Variants in BCL11A observed in about 807,000 individuals in gnomAD.
BCL11A encodes B cell CLL/lymphoma 11A.
A neutral mutation model predicts 55.9 loss-of-function variants in BCL11A; 2 were observed. The observed-to-expected ratio is 0.04, with a 90% CI of 0.01 to 0.11. The LOEUF (loss-of-function observed/expected upper bound fraction) is 0.11. Among genes scored for constraint, BCL11A ranks in the 10% least tolerant of loss-of-function variants. BCL11A has a pLI of 1.00. For missense variants in BCL11A, 817 were observed against 1,137.1 expected (o/e 0.72, Z 4.05); for synonymous variants, 465 against 473.4 (o/e 0.98, Z 0.23).
rs1319693762 is a variant in BCL11A at position 60,458,867 on chromosome 2, T to TA, written c.*1536dup. 1.9e-6 allele frequency: 2 copies of TA among 1,025,720 alleles called. No homozygotes were observed. Among genetic ancestry groups the TA allele is most frequent in the East Asian group, 1.2e-4 (2 of 16,492 alleles). The allele number at this position is 1,025,720 out of a possible 1,614,324, so 63.5% of individuals were successfully genotyped here. A position where few individuals can be genotyped will look rare whatever the true frequency, so the allele number is the denominator to read the frequency against. On this transcript the variant is annotated 3_prime_UTR_variant, in exon 4 of 4. Coordinates refer to ENST00000642384, the MANE Select transcript of BCL11A (RefSeq NM_022893.4). ...GCTAGCTTAATAAAAAAGAAAAAATTAAAAAAATAAAAATAAAAACAATGA... is the reference window on the plus strand; with the variant it reads ...GCTAGCTTAATAAAAAAGAAAAAATTAAAAAAAATAAAAATAAAAACAATGA...
In BCL11A at chr2:60,458,281, T is replaced by C. The variant is rs1052628140; in HGVS notation, c.*2123A>G. Reference sequence around the variant, plus strand: ...AACCTTTCCCCAATGTATGTTTTTTTTTTTTACAACCTGAAGAGCGGTGTG... The same window carrying C: ...AACCTTTCCCCAATGTATGTTTTTTCTTTTTACAACCTGAAGAGCGGTGTG... On this transcript the variant is annotated 3_prime_UTR_variant, in exon 4 of 4. Transcript: ENST00000642384. 6.8e-6 allele frequency: 7 copies of C among 1,027,060 alleles called. No homozygotes were observed. The Admixed American group carries it at 4.0e-4, about 59-fold the overall frequency. The allele number at this position is 1,027,060 out of a possible 1,614,324, so 63.6% of individuals were successfully genotyped here. A position where few individuals can be genotyped will look rare whatever the true frequency, so the allele number is the denominator to read the frequency against.
At chr2:60,482,469 T>C (rs1678018738) in intron 2 of BCL11A, among the ~76,000 whole-genome samples, 1 of 152,202 alleles carries the variant, frequency 6.6e-6, no homozygotes, top group Non-Finnish European at 1.5e-5. Context: ...GAAAGGGGCA[T>C]GTGACAACTT....
intron 2 of BCL11A, among the ~76,000 whole-genome samples, chr2:60,507,771 G>A (rs968476089): frequency 9.9e-5 from 15 of 152,134 alleles, no homozygotes; most frequent in African/African-American, 3.1e-4. Context: ...GGTGGGGGGC[G>A]ACGGGTGCGG....
At chr2:60,503,041 T>C (rs2104419101) in intron 2 of BCL11A, among the ~76,000 whole-genome samples, 1 of 152,330 alleles carries the variant, frequency 6.6e-6, no homozygotes, top group East Asian at 1.9e-4. Context: ...AAAACCAACG[T>C]GTCTGTCATC....
In BCL11A at chr2:60,460,903, T is replaced by C. The variant is rs115666026; in HGVS notation, c.2009A>G (p.Lys670Arg). 2 of 1,613,068 alleles carry C rather than the reference T, an allele frequency of 1.2e-6. No individual in the cohort carries two copies. The highest frequency in any genetic ancestry group is 2.7e-5 in the African/African-American group (2 of 75,082). ...GTCTCCGAAGCTAAGGAAGGGATCT[T>C]TGAGCTGCCTGGAGGCCGCGTAGCC... ...LAGYAASRQL[K>R]DPFLSFGDSR... Residue 670 changes from lysine to arginine, a missense_variant, in exon 4 of 4, where the codon AAA becomes AGA. By Grantham distance (26) the Lys-to-Arg change is conservative. Transcript: ENST00000642384.
At chr2:60,480,402 T>C (rs1677883479) in intron 2 of BCL11A, among the ~76,000 whole-genome samples, 1 of 152,146 alleles carries the variant, frequency 6.6e-6, no homozygotes, top group African/African-American at 2.4e-5. Context: ...AGCCCCTCAA[T>C]AAATAATTAG....
chr2:60,468,011 G>A (rs1487260111), intron 3 of BCL11A, among the ~76,000 whole-genome samples: 3 of 102,050 alleles, frequency 2.9e-5, no homozygotes, highest in African/African-American at 8.1e-5. Flanking sequence ...GGTGGTGATG[G>A]TGGTGGTGGT....
chr2:60,452,455 C>T (rs1353217503), downstream of BCL11A: 4 of 827,194 alleles, frequency 4.8e-6, no homozygotes, highest in Non-Finnish European at 8.2e-6. Context: ...ACTCTGTCTT[C>T]GCACAACGGC....
At chr2:60,477,958 CTT>C (rs79276518) in intron 2 of BCL11A, among the ~76,000 whole-genome samples, 64 of 138,348 alleles carry the variant, frequency 4.6e-4, no homozygotes, top group Admixed American at 8.0e-4. Flanking sequence ...TTATGGAAAG[CTT>C]TTTTTTTTTT....
chr2:60,497,305 C>T (rs758318833), intron 2 of BCL11A, among the ~76,000 whole-genome samples: 53 of 152,298 alleles, frequency 3.5e-4, no homozygotes, highest in Non-Finnish European at 6.8e-4. Flanking sequence ...TTTTGTAAAA[C>T]GAAGCATCGC....
intron 2 of BCL11A, chr2:60,536,888 G>A (rs927744648): frequency 6.6e-6 from 1 of 152,236 alleles, no homozygotes; most frequent in African/African-American, 2.4e-5. Flanking sequence ...ACAAAAGACA[G>A]GTCCAACAAC....
chr2:60,458,033 C>CTTT lies in BCL11A; in HGVS notation c.*2368_*2370dup. 1.0e-6 allele frequency: 1 copy of CTTT among 967,442 alleles called. No individual in the cohort carries two copies. Among genetic ancestry groups the CTTT allele is most frequent in the Non-Finnish European group, 1.2e-6 (1 of 805,630 alleles). 59.9% of individuals were successfully genotyped at this position (967,442 alleles called of 1,614,324 possible). On this transcript the variant is annotated 3_prime_UTR_variant, in exon 4 of 4. Transcript: ENST00000642384. ...AAAAAAATATACTGTGGCAGCCTGT[C>CTTT]TTTTTTTTTTCCACTACCAAAAAAG...
rs570603037 is a variant in BCL11A, at chr2:60,482,008, G to A, written c.386-13175C>T. ...GTCAAAAGAAAGGGGTTGGACTGAT[G>A]TTTCCCAGTGGAGGGCTTGTTTGTC... On this transcript the variant is annotated intron_variant, in intron 2 of 3. Transcript: ENST00000642384. Among the ~76,000 whole-genome samples the A allele has an allele frequency of 5.0e-4, 76 of 152,302 alleles. No individual in the cohort carries two copies. In the South Asian group the frequency reaches 8.1e-3, roughly 16 times the overall value.
chr2:60,462,883 C>T (rs1676394957), intron 3 of BCL11A, among the ~76,000 whole-genome samples: 2 of 152,206 alleles, frequency 1.3e-5, no homozygotes, highest in Admixed American at 6.5e-5. Flanking sequence ...CTATTCCCCC[C>T]TGGGTGACAG....
chr2:60,478,980 T>C (rs1463762447), intron 2 of BCL11A, among the ~76,000 whole-genome samples: 5 of 149,198 alleles, frequency 3.4e-5, no homozygotes, highest in East Asian at 1.9e-4. Context: ...TTTTTTTTTT[T>C]CCCTCCTCCC....
chr2:60,553,147 C>T (rs573580609), intron 1 of BCL11A, 69 bp downstream of exon 1: 96 of 1,505,570 alleles, frequency 6.4e-5, no homozygotes, highest in Non-Finnish European at 8.3e-5. Flanking sequence ...CTCCCCCTCG[C>T]TTTTGCTTCT....
In BCL11A at chr2:60,548,305, A is replaced by AT. The variant is rs397984727; in HGVS notation, c.56-2006dup. ...ACATAGAACCTTTGCAAAAAAAAAA[A>AT]TTTTTTATTTCCACCGTTAAGATTC... On this transcript the variant is annotated intron_variant, in intron 1 of 3. Transcript: ENST00000642384. Among the ~76,000 whole-genome samples, 1,468 of 150,320 alleles carry AT rather than the reference A, an allele frequency of 9.8e-3. 8 individuals are homozygous for AT. The highest frequency in any genetic ancestry group is 0.016 in the Non-Finnish European group (1,049 of 67,572).
In BCL11A at chr2:60,457,905, C is replaced by G. The variant is rs1218364505; in HGVS notation, c.*2499G>C. 9.5e-7 allele frequency: 1 copy of G among 1,047,998 alleles called. No homozygotes were observed. Among genetic ancestry groups the G allele is most frequent in the Admixed American group, 5.5e-5 (1 of 18,024 alleles). 64.9% of individuals were successfully genotyped at this position (1,047,998 alleles called of 1,614,324 possible). A position where few individuals can be genotyped will look rare whatever the true frequency, so the allele number is the denominator to read the frequency against. ...CATTCTAGCAGGCTCCCCCAAACCG[C>G]CATTATATGGCTTCTCATCTGTAAT... On this transcript the variant is annotated 3_prime_UTR_variant, in exon 4 of 4. Coordinates refer to ENST00000642384, the MANE Select transcript of BCL11A (RefSeq NM_022893.4).
intron 2 of BCL11A, chr2:60,522,625 C>A (rs1300813846): frequency 6.6e-6 from 1 of 152,268 alleles, no homozygotes; most frequent in Non-Finnish European, 1.5e-5. Flanking sequence ...TGAATGCACC[C>A]TCTGAGAGTC....
Sources: gnomAD v4.1 joint callset for allele counts (sites outside exome capture counted in the v4.1 genomes callset) on GRCh38, gnomAD v4.1.1 for gene constraint, MANE v1.5 for transcripts, NCBI Gene and HGNC (gene_info 2026-07-23, HGNC 2026-07-21) for gene names.